Variants in CELF2 observed in about 807,000 individuals in gnomAD.
The protein encoded by CELF2 is CUG triplet repeat RNA-binding protein 2.
Under a neutral mutation model 62.6 loss-of-function variants are expected in CELF2, and 8 were observed. The observed-to-expected ratio is 0.13, with a 90% CI of 0.07 to 0.23. The LOEUF is 0.23. CELF2 is among the 10% of genes least tolerant of loss of function. The pLI is 1.00. For missense variants in CELF2, 333 were observed against 671.0 expected (o/e 0.50, Z 5.56); for synonymous variants, 258 against 250.0 (o/e 1.03, Z -0.30).
the CELF2 span, among the ~76,000 whole-genome samples, chr10:10,474,924 T>C: frequency 6.6e-6 from 1 of 152,010 alleles, no homozygotes; most frequent in Non-Finnish European, 1.5e-5. Context: ...ACTTTAGTAG[T>C]AGATCTGAAG....
the CELF2 span, among the ~76,000 whole-genome samples, chr10:10,682,021 A>T: frequency 9.1e-3 from 1,388 of 152,310 alleles, 23 homozygotes; most frequent in African/African-American, 0.032. Flanking sequence ...CTCTGACATT[A>T]AGTCTCTAGA....
intron 2 of CELF2, among the ~76,000 whole-genome samples, chr10:11,209,567 CTT>C (rs113589265): frequency 3.9e-4 from 53 of 134,984 alleles, no homozygotes; most frequent in African/African-American, 1.3e-3. Flanking sequence ...AAGGACTACT[CTT>C]TTTTTTTTTT....
At chr10:11,187,071 T>C (rs2075137418) in intron 2 of CELF2, among the ~76,000 whole-genome samples, 1 of 152,228 alleles carries the variant, frequency 6.6e-6, no homozygotes, top group Admixed American at 6.5e-5. Context: ...TGAGTTGTGT[T>C]CTGCAAATCT....
chr10:10,946,100 G>T (rs983118010), intron 2 of CELF2: 1 of 152,670 alleles, frequency 6.6e-6, no homozygotes, highest in Non-Finnish European at 1.5e-5. Context: ...CATTCCTGAA[G>T]GGAAAGGTTA....
At chr10:10,841,356 A>AC (rs1327830531) in intron 1 of CELF2, among the ~76,000 whole-genome samples, 3 of 151,380 alleles carry the variant, frequency 2.0e-5, no homozygotes, top group Non-Finnish European at 3.0e-5. Flanking sequence ...AAAAAAAAAA[A>AC]ACCTCTTCAT....
At chr10:10,766,631 A>G in the CELF2 span, among the ~76,000 whole-genome samples, 1 of 152,170 alleles carries the variant, frequency 6.6e-6, no homozygotes, top group East Asian at 1.9e-4. Flanking sequence ...AGCCTTGGGG[A>G]GAGGGAGCCT....
At chr10:11,155,818 C>T (rs1050308508) in intron 1 of CELF2, among the ~76,000 whole-genome samples, 2 of 152,210 alleles carry the variant, frequency 1.3e-5, no homozygotes, top group African/African-American at 4.8e-5. Context: ...TCACATCCAA[C>T]CTCACACTGC....
chr10:11,240,664 A>G (rs1282710753), intron 3 of CELF2, among the ~76,000 whole-genome samples: 1 of 152,174 alleles, frequency 6.6e-6, no homozygotes, highest in African/African-American at 2.4e-5. Flanking sequence ...CATAAAACCC[A>G]AACAGTAATT....
the CELF2 span, among the ~76,000 whole-genome samples, chr10:10,625,784 C>T: frequency 6.6e-5 from 10 of 152,200 alleles, no homozygotes; most frequent in Admixed American, 3.3e-4. Context: ...GGCCCCGTCC[C>T]GTGATCTGAA....
chr10:10,644,156 T>G, the CELF2 span, among the ~76,000 whole-genome samples: 1 of 152,344 alleles, frequency 6.6e-6, no homozygotes, highest in Non-Finnish European at 1.5e-5. Context: ...GTCTCCTGTC[T>G]GCTGCCACGT....
chr10:11,319,021 G>C lies in CELF2; in HGVS notation c.1097-2168G>C, dbSNP rs957918677. ...GAGCTGCTGTCTTCAGCCCGTCCTC[G>C]TCTGGCAGCAAGGCCCCACATGGCT... On this transcript the variant is annotated intron_variant, in intron 10 of 12. Transcript: ENST00000633077. The surrounding 1 kb of genome is among the most constrained non-coding windows in gnomAD (Gnocchi z 4.4). 2.8e-5 allele frequency: 13 copies of C among 471,056 alleles called. 1 individual carries two copies. Among genetic ancestry groups the C allele is most frequent in the African/African-American group, 2.4e-4 (12 of 50,206 alleles). 29.2% of individuals were successfully genotyped at this position (471,056 alleles called of 1,614,324 possible). A position where few individuals can be genotyped will look rare whatever the true frequency, so the allele number is the denominator to read the frequency against.
chr10:11,115,878 G>A (rs923905765), intron 1 of CELF2, among the ~76,000 whole-genome samples: 2 of 152,136 alleles, frequency 1.3e-5, no homozygotes, highest in Admixed American at 1.3e-4. Context: ...CTATCATAGA[G>A]TGAAAAATAG....
intron 1 of CELF2, among the ~76,000 whole-genome samples, chr10:11,104,064 T>C (rs2052649768): frequency 6.6e-6 from 1 of 152,224 alleles, no homozygotes; most frequent in Non-Finnish European, 1.5e-5. Context: ...CTCTTAGTAT[T>C]TGGTCTCCAG....
At chr10:11,100,835 G>A (rs1171307256) in intron 1 of CELF2, among the ~76,000 whole-genome samples, 1 of 152,150 alleles carries the variant, frequency 6.6e-6, no homozygotes, top group Non-Finnish European at 1.5e-5. Context: ...GTCAAGGGAG[G>A]TCTCCCATAC....
the CELF2 span, among the ~76,000 whole-genome samples, chr10:10,609,135 G>A: frequency 6.6e-6 from 1 of 152,140 alleles, no homozygotes; most frequent in African/African-American, 2.4e-5. Flanking sequence ...TTCGTCTAGT[G>A]TACTGTGTCA....
the CELF2 span, among the ~76,000 whole-genome samples, chr10:10,464,403 A>G: frequency 2.9e-5 from 4 of 139,220 alleles, no homozygotes; most frequent in Non-Finnish European, 4.9e-5. Flanking sequence ...AGCTAAACGC[A>G]AGTCAAACCA....
intron 1 of CELF2, among the ~76,000 whole-genome samples, chr10:10,810,230 A>G (rs1486282847): frequency 5.3e-5 from 8 of 152,212 alleles, no homozygotes; most frequent in South Asian, 2.1e-4. Context: ...ACAAAATACA[A>G]TCGTGTACGG....
At chr10:10,838,976 T>C (rs180838271) in intron 1 of CELF2, among the ~76,000 whole-genome samples, 6 of 147,986 alleles carry the variant, frequency 4.1e-5, no homozygotes, top group Admixed American at 4.0e-4. Flanking sequence ...CCATCTCTAC[T>C]AAAAAAAAAA....
At chr10:11,102,583 C>G (rs1298645901) in intron 1 of CELF2, among the ~76,000 whole-genome samples, 1 of 152,182 alleles carries the variant, frequency 6.6e-6, no homozygotes, top group Non-Finnish European at 1.5e-5. Flanking sequence ...GCCCTGTTCT[C>G]CTCCCACTAC....
Sources: allele counts gnomAD v4.1 joint callset (sites outside exome capture counted in the v4.1 genomes callset), GRCh38; gene constraint gnomAD v4.1.1; non-coding constraint Gnocchi (gnomAD v3.1); transcripts MANE v1.5; gene names NCBI Gene and HGNC (gene_info 2026-07-23, HGNC 2026-07-21).